HECW1: variants seen among roughly 807,000 people sequenced by gnomAD.
HECW1 encodes HECT, C2 and WW domain containing E3 ubiquitin protein ligase 1, also known as E3 ubiquitin-protein ligase HECW1.
A neutral mutation model predicts 182.3 loss-of-function variants in HECW1; 61 were observed. That is an observed-to-expected ratio of 0.33 (90% confidence interval 0.27 to 0.41). HECW1 has a LOEUF of 0.41. Among genes scored for constraint, HECW1 ranks in the 10% least tolerant of loss-of-function variants. The pLI, the probability that HECW1 is intolerant of heterozygous loss-of-function variation, is 1.00. For synonymous variants in HECW1, 859 were observed against 832.6 expected (o/e 1.03, Z -0.55); for missense variants, 1,739 against 2,108.9 (o/e 0.82, Z 3.44).
At position 43,125,757 on chromosome 7, in the gene HECW1, T is replaced by TAAAAAAA. The variant is rs57874835; in HGVS notation, c.-32+11383_-32+11389dup. Among the ~76,000 whole-genome samples the TAAAAAAA allele has an allele frequency of 1.4e-3, 125 of 86,528 alleles. 8 individuals carry two copies. Among genetic ancestry groups the TAAAAAAA allele is most frequent in the South Asian group, 3.0e-3 (6 of 2,018 alleles). The allele number at this position is 86,528 out of a possible 152,430, so 56.8% of individuals were successfully genotyped here. ...TGGGTGACAGAGCGAGATTCTGTCT[T>TAAAAAAA]AAAAAAAAAAAAAAAAAAAAAAAGA... On this transcript the variant is annotated intron_variant, in intron 2 of 29. Transcript: ENST00000395891.
At chr7:43,199,993 A>G (rs1794882440) in intron 2 of HECW1, among the ~76,000 whole-genome samples, 1 of 152,240 alleles carries the variant, frequency 6.6e-6, no homozygotes, top group African/African-American at 2.4e-5. Context: ...TAGGAATGGA[A>G]GAAGTCACTA....
chr7:43,153,403 A>G (rs1789554517), intron 2 of HECW1, among the ~76,000 whole-genome samples: 1 of 152,176 alleles, frequency 6.6e-6, no homozygotes, highest in South Asian at 2.1e-4. Flanking sequence ...GTCTCCCCCT[A>G]CAAAAAGGAA....
rs575344123 is a variant in HECW1 at position 43,432,435 on chromosome 7, G to A, written c.802-5568G>A. On this transcript the variant is annotated intron_variant, in intron 8 of 29. Transcript: ENST00000395891. The surrounding 1 kb of genome is among the most constrained non-coding windows in gnomAD (Gnocchi z 4.1). Reference sequence around the variant, plus strand: ...ATTACAGGTGTGAGCCACCGCGCCCGGCCCAGTTGTTTATTTTTTAAGACT... The same window carrying A: ...ATTACAGGTGTGAGCCACCGCGCCCAGCCCAGTTGTTTATTTTTTAAGACT... 1.7e-3 allele frequency among the ~76,000 whole-genome samples: 264 copies of A among 152,310 alleles called. 2 individuals are homozygous for A. Among genetic ancestry groups the A allele is most frequent in the African/African-American group, 4.6e-3 (192 of 41,574 alleles).
At chr7:43,449,532 A>G (rs538507095) in intron 11 of HECW1, among the ~76,000 whole-genome samples, 1 of 152,268 alleles carries the variant, frequency 6.6e-6, no homozygotes, top group African/African-American at 2.4e-5. Context: ...ATTTTTGATC[A>G]GTTCCGTAGA....
intron 11 of HECW1, 80 bp downstream of exon 11, chr7:43,445,650 G>A: frequency 1.4e-6 from 2 of 1,443,952 alleles, no homozygotes; most frequent in Non-Finnish European, 1.8e-6. Flanking sequence ...AAAACAAGAA[G>A]GGCGGGGGAT....
At chr7:43,216,654 C>T (rs1215007482) in intron 2 of HECW1, among the ~76,000 whole-genome samples, 3 of 151,058 alleles carry the variant, frequency 2.0e-5, no homozygotes, top group Non-Finnish European at 4.4e-5. Flanking sequence ...GTGGCAAATG[C>T]AGTGTAATTT....
Position 43,324,510 on chromosome 7 carries a change from C to T in HECW1, c.460+3768C>T, listed in dbSNP as rs145773615. Among the ~76,000 whole-genome samples, 6 of 152,206 alleles carry T rather than the reference C, an allele frequency of 3.9e-5. No individual in the cohort carries two copies. In the East Asian group the frequency reaches 5.8e-4, roughly 15 times the overall value. On this transcript the variant is annotated intron_variant, in intron 5 of 29. Coordinates refer to ENST00000395891, the MANE Select transcript of HECW1 (RefSeq NM_015052.5). ...AACAAGTAGGGAGAGATTGGCTCTA[C>T]GAAACGTTCTCATATGGCTATCCTT...
intron 11 of HECW1, among the ~76,000 whole-genome samples, chr7:43,446,642 G>A (rs1381336833): frequency 6.6e-6 from 1 of 151,904 alleles, no homozygotes; most frequent in Non-Finnish European, 1.5e-5. Context: ...TTTAACAGGA[G>A]CTAAAGTGAG....
intron 2 of HECW1, among the ~76,000 whole-genome samples, chr7:43,203,093 C>T (rs769132314): frequency 7.2e-5 from 11 of 152,120 alleles, no homozygotes; most frequent in South Asian, 2.1e-4. Flanking sequence ...CACGGACGCG[C>T]GTGACACTCA....
At chr7:43,232,767 G>A (rs966956696) in intron 2 of HECW1, among the ~76,000 whole-genome samples, 4 of 152,178 alleles carry the variant, frequency 2.6e-5, no homozygotes, top group South Asian at 2.1e-4. Context: ...GGGGAGAGGA[G>A]GCAAAGGACT....
At chr7:43,493,795 G>C (rs2079021120) in intron 19 of HECW1, among the ~76,000 whole-genome samples, 1 of 152,188 alleles carries the variant, frequency 6.6e-6, no homozygotes, top group South Asian at 2.1e-4. Flanking sequence ...AATCTGGAGA[G>C]GCATGGGGGT....
chr7:43,376,824 C>T (rs1295471221), intron 6 of HECW1, among the ~76,000 whole-genome samples: 1 of 152,020 alleles, frequency 6.6e-6, no homozygotes, highest in Admixed American at 6.6e-5. Context: ...CGAGATCGTG[C>T]CATTGCACTC....
intron 4 of HECW1, 91 bp downstream of exon 4, chr7:43,312,178 C>A: frequency 8.5e-7 from 1 of 1,174,644 alleles, no homozygotes; most frequent in African/African-American, 1.5e-5. Context: ...TTAAAATATA[C>A]AAGCAACTGT....
At chr7:43,519,770 G>A (rs1053222704) in intron 24 of HECW1, among the ~76,000 whole-genome samples, 27 of 152,296 alleles carry the variant, frequency 1.8e-4, no homozygotes, top group African/African-American at 5.5e-4. Context: ...TCAAGATATT[G>A]TTGAGAGAAG....
At chr7:43,324,036 A>C (rs972001633) in intron 5 of HECW1, among the ~76,000 whole-genome samples, 14 of 111,582 alleles carry the variant, frequency 1.3e-4, no homozygotes, top group African/African-American at 1.0e-3. Context: ...CTCTATCTCA[A>C]AAAAGAAAAA....
At position 43,438,076 on chromosome 7, in the gene HECW1, C is replaced by T; in HGVS notation, c.875C>T (p.Pro292Leu). The change falls in exon 9 of 30, where the codon CCC (proline) becomes CTC (leucine). Residue 292 changes from proline to leucine, a missense_variant. Around this residue, in one of 5 missense-constraint regions of HECW1, gnomAD observed 66 missense variants for 113.8 expected, o/e 0.58. Coordinates refer to ENST00000395891, the MANE Select transcript of HECW1 (RefSeq NM_015052.5). ...EVKDKFAKSR[P>L]IIKRFLGKLS... The stretch of plus-strand genomic sequence containing the variant: ...AAGGACAAGTTTGCCAAGAGCCGCC[C>T]CATCATCAAGCGCTTCTTGGGAAAG... 1 of 1,614,002 alleles carries T rather than the reference C, an allele frequency of 6.2e-7. No individual in the cohort carries two copies. Among genetic ancestry groups the T allele is most frequent in the Non-Finnish European group, 8.5e-7 (1 of 1,179,936 alleles).
intron 9 of HECW1, among the ~76,000 whole-genome samples, chr7:43,442,181 T>G (rs2076909917): frequency 6.6e-6 from 1 of 152,214 alleles, no homozygotes; most frequent in Admixed American, 6.5e-5. Flanking sequence ...TAAAATAGTT[T>G]TGTTTTTGTG....
At chr7:43,467,944 A>G (rs1457126578) in intron 15 of HECW1, among the ~76,000 whole-genome samples, 3 of 152,098 alleles carry the variant, frequency 2.0e-5, no homozygotes, top group Admixed American at 2.0e-4. Context: ...CTCAATTCCA[A>G]GCAGCTCCCC....
chr7:43,426,581 T>A (rs1222318479), intron 8 of HECW1, among the ~76,000 whole-genome samples: 1 of 152,234 alleles, frequency 6.6e-6, no homozygotes, highest in East Asian at 1.9e-4. Context: ...ATGTCTTTCA[T>A]TTCCTTTCTT....
Sources: allele counts gnomAD v4.1 joint callset (sites outside exome capture counted in the v4.1 genomes callset), GRCh38; gene constraint gnomAD v4.1.1; regional missense constraint gnomAD v4.1.1; non-coding constraint Gnocchi (gnomAD v3.1); transcripts MANE v1.5; gene names NCBI Gene and HGNC (gene_info 2026-07-23, HGNC 2026-07-21).